The following MAD1L1 variants were observed in gnomAD, a reference collection of about 807,000 sequenced individuals.
MAD1L1 encodes the protein mitotic arrest deficient 1 like 1.
Under a neutral mutation model 96.9 loss-of-function variants are expected in MAD1L1, and 95 were observed. The observed-to-expected ratio is 0.98, with a 90% CI of 0.83 to 1.16. MAD1L1 has a LOEUF of 1.16. MAD1L1 is among the 50% of genes most tolerant of loss of function. The pLI, the probability that MAD1L1 is intolerant of heterozygous loss-of-function variation, is 0.00. For missense variants in MAD1L1, 1,007 were observed against 954.4 expected (o/e 1.06, Z -0.73); for synonymous variants, 473 against 396.6 (o/e 1.19, Z -2.29).
At chr7:1,883,469 G>A (rs1785813957) in intron 18 of MAD1L1, among the ~76,000 whole-genome samples, 1 of 152,196 alleles carries the variant, frequency 6.6e-6, no homozygotes, top group Middle Eastern at 3.2e-3. Flanking sequence ...CCCGCAGGAT[G>A]CCCATTTCCA....
At position 2,111,778 on chromosome 7, in the gene MAD1L1, G is replaced by A. The variant is rs566868111; in HGVS notation, c.1073+37374C>T. ...TGGCCCAGCAGGAGCAGGCCTGTGC[G>A]GAGTGGACCTGCACACACAGCAAAC... On this transcript the variant is annotated intron_variant, in intron 11 of 18. Coordinates refer to ENST00000265854, the MANE Select transcript of MAD1L1 (RefSeq NM_001013836.2). 3.9e-5 allele frequency among the ~76,000 whole-genome samples: 6 copies of A among 152,164 alleles called. No individual in the cohort carries two copies. In the South Asian group the frequency reaches 6.2e-4, roughly 16 times the overall value.
At chr7:1,844,021 G>C (rs891967133) in intron 18 of MAD1L1, among the ~76,000 whole-genome samples, 3 of 152,216 alleles carry the variant, frequency 2.0e-5, no homozygotes, top group African/African-American at 7.2e-5. Flanking sequence ...AGGGCAGCAA[G>C]TGGAGCCTAT....
Position 1,905,919 on chromosome 7 carries a change from G to A in MAD1L1, c.1808-7529C>T, listed in dbSNP as rs186757288. Among the ~76,000 whole-genome samples, 194 of 152,096 alleles carry A rather than the reference G, an allele frequency of 1.3e-3. 2 individuals are homozygous for A. The highest frequency in any genetic ancestry group is 4.2e-3 in the African/African-American group (173 of 41,488). Reference sequence around the variant, plus strand: ...ACAAAAATTAGCCGGACGTGGTGGCGCACATCTGTAATCCCAGCTACTCGG... The same window carrying A: ...ACAAAAATTAGCCGGACGTGGTGGCACACATCTGTAATCCCAGCTACTCGG... On this transcript the variant is annotated intron_variant, in intron 17 of 18. Transcript: ENST00000265854.
intron 18 of MAD1L1, among the ~76,000 whole-genome samples, chr7:1,858,288 G>C (rs1784357325): frequency 6.6e-6 from 1 of 152,214 alleles, no homozygotes; most frequent in African/African-American, 2.4e-5. Flanking sequence ...GGGGACATGG[G>C]CTGGCCAGTT....
chr7:2,120,784 G>C (rs1035887214), intron 11 of MAD1L1, among the ~76,000 whole-genome samples: 2 of 152,338 alleles, frequency 1.3e-5, no homozygotes, highest in East Asian at 1.9e-4. Context: ...GGCAGCCTGC[G>C]AGCCCCCATG....
At chr7:2,079,559 T>C (rs941052989) in intron 11 of MAD1L1, 6 of 455,416 alleles carry the variant, frequency 1.3e-5, no homozygotes, top group Admixed American at 4.8e-5. Context: ...CAAATTCAAT[T>C]TGCATTCCCA....
rs867534770 is a variant in MAD1L1 at position 1,836,926 on chromosome 7, G to C, written c.1999-20698C>G. On this transcript the variant is annotated intron_variant, in intron 18 of 18. Coordinates refer to ENST00000265854, the MANE Select transcript of MAD1L1 (RefSeq NM_001013836.2). ...GGTTAGGTAAAGATTTCTTAGATAC[G>C]ACAGCAAAAGCACACTCCATAAAAT... 2.0e-5 allele frequency among the ~76,000 whole-genome samples: 3 copies of C among 152,118 alleles called. 1 individual carries two copies. Among genetic ancestry groups the C allele is most frequent in the Admixed American group, 2.0e-4 (3 of 15,276 alleles).
chr7:1,899,869 C>G (rs1787134272), intron 17 of MAD1L1, among the ~76,000 whole-genome samples: 1 of 152,196 alleles, frequency 6.6e-6, no homozygotes. Flanking sequence ...GAGCCAGGTG[C>G]AAACCAGAAG....
intron 12 of MAD1L1, among the ~76,000 whole-genome samples, chr7:2,060,134 G>A: frequency 6.6e-6 from 1 of 151,048 alleles, no homozygotes; most frequent in South Asian, 2.1e-4. Context: ...GAGATGTCGA[G>A]ATACGCAGAT....
chr7:2,224,004 G>T lies in MAD1L1; in HGVS notation c.292-1250C>A, dbSNP rs188973762. Among the ~76,000 whole-genome samples the T allele has an allele frequency of 9.2e-5, 14 of 152,294 alleles. No individual in the cohort carries two copies. The East Asian group carries it at 2.7e-3, about 29-fold the overall frequency. On this transcript the variant is annotated intron_variant, in intron 4 of 18. Transcript: ENST00000265854. The stretch of plus-strand genomic sequence containing the variant: ...GCAGGGAGCCCCAGGTGTAAGCCCA[G>T]TCACCTGCATCCTTGGATTTCCCCA...
chr7:2,231,174 T>C lies in MAD1L1; in HGVS notation c.-189-447A>G, dbSNP rs1274932835. The stretch of plus-strand genomic sequence containing the variant: ...CTAGCCGGGTGTGGTGGTGTGCGCC[T>C]GTAATCCCAGCTACTCAGGAGGCTG... On this transcript the variant is annotated intron_variant, in intron 1 of 18. Coordinates refer to ENST00000265854, the MANE Select transcript of MAD1L1 (RefSeq NM_001013836.2). Among the ~76,000 whole-genome samples, 3 of 152,216 alleles carry C rather than the reference T, an allele frequency of 2.0e-5. No homozygotes were observed. The East Asian group carries it at 5.8e-4, about 29-fold the overall frequency.
At chr7:1,934,456 A>G (rs537435032) in intron 17 of MAD1L1, among the ~76,000 whole-genome samples, 3 of 151,906 alleles carry the variant, frequency 2.0e-5, no homozygotes, top group Admixed American at 6.5e-5. Context: ...AGAGACCCAG[A>G]TAACAGGTGA....
Position 1,913,850 on chromosome 7 carries a change from G to C in MAD1L1, c.1808-15460C>G, listed in dbSNP as rs530456316. Reference sequence around the variant, plus strand: ...CGCCATACAGACTTCACCCCTATGGGAAGAATCCTGCAGGAAACGCCACAG... The same window carrying C: ...CGCCATACAGACTTCACCCCTATGGCAAGAATCCTGCAGGAAACGCCACAG... On this transcript the variant is annotated intron_variant, in intron 17 of 18. Transcript: ENST00000265854. 4.2e-3 allele frequency among the ~76,000 whole-genome samples: 641 copies of C among 152,268 alleles called. 1 individual carries two copies. Among genetic ancestry groups the C allele is most frequent in the Non-Finnish European group, 6.9e-3 (470 of 68,000 alleles).
chr7:2,114,730 G>A lies in MAD1L1; in HGVS notation c.1073+34422C>T, dbSNP rs1049653860. Among the ~76,000 whole-genome samples, 6 of 152,124 alleles carry A rather than the reference G, an allele frequency of 3.9e-5. No homozygotes were observed. Among genetic ancestry groups the A allele is most frequent in the Admixed American group, 6.5e-5 (1 of 15,274 alleles). On this transcript the variant is annotated intron_variant, in intron 11 of 18. Transcript: ENST00000265854. The surrounding 1 kb of genome is among the most constrained non-coding windows in gnomAD (Gnocchi z 4.2). ...CACCCAGAATCAAATACGAATCGCC[G>A]CTGCCGCTCTCACAGCACGATGGCA...
intron 11 of MAD1L1, among the ~76,000 whole-genome samples, chr7:2,124,537 A>G (rs1788139039): frequency 6.6e-6 from 1 of 152,202 alleles, no homozygotes; most frequent in Admixed American, 6.5e-5. Context: ...CACCCCAGCC[A>G]ACAGAGGCAG....
At chr7:2,037,207 CTTTT>C (rs11332091) in intron 12 of MAD1L1, among the ~76,000 whole-genome samples, 1 of 133,136 alleles carries the variant, frequency 7.5e-6, no homozygotes, top group Non-Finnish European at 1.7e-5. Flanking sequence ...ATAGACTCTT[CTTTT>C]TTTTTTTTTT....
intron 11 of MAD1L1, among the ~76,000 whole-genome samples, chr7:2,092,973 C>G (rs1479342093): frequency 6.6e-6 from 1 of 151,934 alleles, no homozygotes; most frequent in East Asian, 1.9e-4. Flanking sequence ...TGCAGTGGCT[C>G]ACACCTGTAA....
At chr7:2,226,401 T>C (rs1248044411) in intron 3 of MAD1L1, among the ~76,000 whole-genome samples, 1 of 151,398 alleles carries the variant, frequency 6.6e-6, no homozygotes, top group African/African-American at 2.4e-5. Context: ...GGGGGCCCTC[T>C]CAGAAGTCTG....
At chr7:1,888,691 C>T (rs542678527) in intron 18 of MAD1L1, among the ~76,000 whole-genome samples, 62 of 150,372 alleles carry the variant, frequency 4.1e-4, no homozygotes, top group Admixed American at 8.6e-4. Context: ...TGTGTCCATG[C>T]GTGTGTGTCG....
Sources: gnomAD v4.1 joint callset for allele counts (sites outside exome capture counted in the v4.1 genomes callset) on GRCh38, gnomAD v4.1.1 for gene constraint, Gnocchi (gnomAD v3.1) non-coding constraint, MANE v1.5 for transcripts, NCBI Gene and HGNC (gene_info 2026-07-23, HGNC 2026-07-21) for gene names.